The following DOCK1 variants were observed in gnomAD, a reference collection of about 807,000 sequenced individuals.
The protein encoded by DOCK1 is dedicator of cytokinesis protein 1.
In DOCK1, 138 loss-of-function variants were observed where a neutral mutation model predicts 262.7. That is an observed-to-expected ratio of 0.53 (90% CI 0.46 to 0.61). The LOEUF is 0.61. Ranked by LOEUF, DOCK1 falls within the 20% of genes least tolerant of loss-of-function variation. The pLI is 0.00. For synonymous variants in DOCK1, 866 were observed against 867.4 expected (o/e 1.00, Z 0.03); for missense variants, 1,908 against 2,370.7 (o/e 0.80, Z 4.05).
rs1286713522 is a variant in DOCK1, at chr10:127,373,839, A to G, written c.3491A>G (p.Glu1164Gly). 1 of 1,610,662 alleles carries G rather than the reference A, an allele frequency of 6.2e-7. No individual in the cohort carries two copies. The highest frequency in any genetic ancestry group is 2.2e-5 in the East Asian group (1 of 44,860). ...GAAGTCGAAGGAGGCAGAGGAGACG[A>G]ACAGTACAAAGTGTTATTTGATAAA... ...DHEVEGGRGD[E>G]QYKVLFDKIL... Residue 1164 changes from glutamate to glycine, a missense_variant, in exon 34 of 52, where the codon GAA (glutamate) becomes GGA (glycine). This residue lies in a region of DOCK1 where 518 missense variants were observed against 575.1 expected (regional missense o/e 0.90). Transcript: ENST00000623213.
chr10:127,019,707 C>T (rs1001786142), intron 13 of DOCK1, among the ~76,000 whole-genome samples: 1 of 152,162 alleles, frequency 6.6e-6, no homozygotes, highest in Non-Finnish European at 1.5e-5. Context: ...ACAGATCACG[C>T]CACTGCACTC....
chr10:127,019,092 C>A (rs1271941024), intron 13 of DOCK1: 5 of 470,776 alleles, frequency 1.1e-5, no homozygotes, highest in African/African-American at 7.8e-5. Flanking sequence ...GGCGTGGGCA[C>A]CCAGCAAATG....
At chr10:127,272,644 T>TA (rs2135196257) in intron 29 of DOCK1, among the ~76,000 whole-genome samples, 1 of 152,260 alleles carries the variant, frequency 6.6e-6, no homozygotes, top group African/African-American at 2.4e-5. Context: ...GATGCAGAGG[T>TA]TTGGCAAAGA....
chr10:127,365,873 C>T (rs1393377576), intron 33 of DOCK1, among the ~76,000 whole-genome samples: 2 of 152,192 alleles, frequency 1.3e-5, no homozygotes, highest in Non-Finnish European at 2.9e-5. Context: ...GAATTTGTGC[C>T]ACCATTTTAA....
chr10:127,364,747 C>T (rs1047880812), intron 33 of DOCK1, among the ~76,000 whole-genome samples: 1 of 152,128 alleles, frequency 6.6e-6, no homozygotes, highest in Non-Finnish European at 1.5e-5. Flanking sequence ...TTTAGTTTAA[C>T]TTCCCCAGTG....
chr10:127,359,777 T>C (rs1035543247), intron 32 of DOCK1, among the ~76,000 whole-genome samples: 1 of 152,248 alleles, frequency 6.6e-6, no homozygotes, highest in African/African-American at 2.4e-5. Context: ...TAAGTATCGT[T>C]ATAGTAGCCA....
intron 31 of DOCK1, among the ~76,000 whole-genome samples, chr10:127,345,817 T>C (rs1370722210): frequency 6.6e-6 from 1 of 152,180 alleles, no homozygotes; most frequent in African/African-American, 2.4e-5. Flanking sequence ...CTTTGTGGAA[T>C]GCACGCTCCC....
chr10:127,326,660 T>C (rs7908448), intron 29 of DOCK1, among the ~76,000 whole-genome samples: 7,530 of 152,324 alleles, frequency 0.049, 231 homozygotes, highest in African/African-American at 0.089. Flanking sequence ...TATTTTGACC[T>C]CCTCCCATGA....
intron 26 of DOCK1, among the ~76,000 whole-genome samples, chr10:127,126,446 G>A (rs1481187829): frequency 6.6e-6 from 1 of 152,086 alleles, no homozygotes; most frequent in Non-Finnish European, 1.5e-5. Flanking sequence ...AGAAGTTGGT[G>A]CCAGCCCAGC....
intron 23 of DOCK1, among the ~76,000 whole-genome samples, chr10:127,093,072 G>T (rs1233348946): frequency 2.6e-5 from 4 of 151,992 alleles, no homozygotes; most frequent in Admixed American, 1.3e-4. Context: ...AATCCTTCCT[G>T]GTCTCTTCCA....
At chr10:127,376,604 G>T (rs1025022818) in intron 35 of DOCK1, among the ~76,000 whole-genome samples, 1 of 152,202 alleles carries the variant, frequency 6.6e-6, no homozygotes, top group Admixed American at 6.5e-5. Context: ...TGTGATTGAC[G>T]TGAAATAGGA....
intron 1 of DOCK1, among the ~76,000 whole-genome samples, chr10:126,954,247 A>C (rs927915352): frequency 8.5e-5 from 13 of 152,342 alleles, no homozygotes; most frequent in African/African-American, 2.9e-4. Flanking sequence ...ACTGCTGGAG[A>C]GGCCTGCCCT....
chr10:127,317,970 T>C (rs2062356782), intron 29 of DOCK1, among the ~76,000 whole-genome samples: 1 of 152,192 alleles, frequency 6.6e-6, no homozygotes, highest in Admixed American at 6.5e-5. Context: ...ATCAGGCCAT[T>C]CTACTGAAGG....
intron 1 of DOCK1, among the ~76,000 whole-genome samples, chr10:126,914,424 A>G (rs908625281): frequency 6.6e-6 from 1 of 152,130 alleles, no homozygotes; most frequent in African/African-American, 2.4e-5. Context: ...ATTTTTATAG[A>G]CAGGCTCTTG....
intron 10 of DOCK1, among the ~76,000 whole-genome samples, chr10:127,004,449 A>G (rs1231409775): frequency 2.6e-5 from 4 of 152,036 alleles, no homozygotes; most frequent in Admixed American, 2.0e-4. Flanking sequence ...CTTGCGAGCT[A>G]TCAATAAAAA....
chr10:127,096,550 C>G (rs2047922049), intron 23 of DOCK1, among the ~76,000 whole-genome samples: 1 of 151,906 alleles, frequency 6.6e-6, no homozygotes, highest in Non-Finnish European at 1.5e-5. Context: ...TATTTTGTAT[C>G]ACCCATAACT....
intron 29 of DOCK1, among the ~76,000 whole-genome samples, chr10:127,319,439 A>G (rs2062424538): frequency 6.6e-6 from 1 of 152,156 alleles, no homozygotes; most frequent in Non-Finnish European, 1.5e-5. Context: ...GGCGGGCGGG[A>G]GCTTCCCAGA....
intron 29 of DOCK1, among the ~76,000 whole-genome samples, chr10:127,316,737 G>C (rs2062299768): frequency 6.6e-6 from 1 of 152,144 alleles, no homozygotes; most frequent in African/African-American, 2.4e-5. Flanking sequence ...ACACAGAACT[G>C]TACAGACAAG....
chr10:127,405,208 A>T (rs1000940503), intron 40 of DOCK1, among the ~76,000 whole-genome samples: 8 of 152,196 alleles, frequency 5.3e-5, no homozygotes, highest in African/African-American at 1.7e-4. Flanking sequence ...GAAACTCCAA[A>T]CCAGGCTCCA....
Sources: gnomAD v4.1 joint callset for allele counts (sites outside exome capture counted in the v4.1 genomes callset) on GRCh38, gnomAD v4.1.1 for gene constraint, gnomAD v4.1.1 regional missense constraint, MANE v1.5 for transcripts, NCBI Gene and HGNC (gene_info 2026-07-23, HGNC 2026-07-21) for gene names.